TTN: variants seen among roughly 807,000 people sequenced by gnomAD.
The protein encoded by TTN is titin.
A neutral mutation model predicts 3,223.0 loss-of-function variants in TTN; 1,525 were observed. That is an observed-to-expected ratio of 0.47 (90% confidence interval 0.45 to 0.49). TTN has a LOEUF of 0.49. TTN is among the 20% of genes least tolerant of loss of function. The pLI is 0.00. For missense variants in TTN, 40,786 were observed against 43,424.0 expected (o/e 0.94, Z 5.40); for synonymous variants, 14,094 against 15,161.0 (o/e 0.93, Z 5.17).
chr2:178,671,933 G>T lies in TTN; in HGVS notation c.35227+38C>A, dbSNP rs571890886. The T allele has an allele frequency of 7.0e-5, 110 of 1,568,968 alleles. 1 individual carries two copies. The highest frequency in any genetic ancestry group is 6.7e-4 in the South Asian group (55 of 82,340). ...TACTTTCAAAGGAAAGTTAGAGCAA[G>T]ATATAAGAATTTGTAGTATTTGAAG... On this transcript the variant is annotated intron_variant, in intron 155 of 362. Transcript: ENST00000589042.
chr2:178,650,874 GA>G, intron 208 of TTN, 40 bp from the exon 209 acceptor site: 1 of 1,546,088 alleles, frequency 6.5e-7, no homozygotes, highest in East Asian at 2.4e-5. Flanking sequence ...GAGTAGTTGA[GA>G]AGTATATTAA....
In TTN at chr2:178,527,578, T is replaced by C. The variant is rs1401199949; in HGVS notation, c.107548A>G (p.Ser35850Gly). The C allele has an allele frequency of 6.2e-7, 1 of 1,614,036 alleles. No individual in the cohort carries two copies. Among genetic ancestry groups the C allele is most frequent in the Admixed American group, 1.7e-5 (1 of 60,028 alleles). The change falls in exon 362 of 363, where the codon AGC becomes GGC. Residue 35850 changes from serine to glycine, a missense_variant. Coordinates refer to ENST00000589042, the MANE Select transcript of TTN (RefSeq NM_001267550.2). ...GAGGACATGCTTTGGGCAGACATGCTTGCAAATTTCATCTCAGTCATGCTG... is the reference window on the plus strand; with the variant it reads ...GAGGACATGCTTTGGGCAGACATGCCTGCAAATTTCATCTCAGTCATGCTG... The part of the protein sequence containing the change: ...ASSMTEMKFA[S>G]MSAQSMSSMQ...
chr2:178,590,094 T>C lies in TTN; in HGVS notation c.61631A>G (p.His20544Arg), dbSNP rs876658073. Residue 20544 changes from histidine (H) to arginine (R), a missense_variant, in exon 304 of 363, where the codon CAT becomes CGT. His to Arg is a conservative substitution (Grantham distance 29). Coordinates refer to ENST00000589042, the MANE Select transcript of TTN (RefSeq NM_001267550.2). ...CTTAGCTGAGATGATATACTTGCCA[T>C]GATCAGCTCTAACAGCTTCTTTAAT... ...LQIKEAVRAD[H>R]GKYIISAKNS... is the part of the protein sequence containing the mutation. 2.5e-6 allele frequency: 4 copies of C among 1,613,266 alleles called. No homozygotes were observed. The highest frequency in any genetic ancestry group is 3.4e-6 in the Non-Finnish European group (4 of 1,179,488).
intron 209 of TTN, 83 bp from the exon 210 acceptor site, chr2:178,650,354 T>C (rs1476577986): frequency 1.6e-6 from 2 of 1,249,250 alleles, no homozygotes; most frequent in Non-Finnish European, 2.2e-6. Flanking sequence ...TAAATAGTAA[T>C]CTTGATTTCT....
In TTN at chr2:178,714,397, T is replaced by C. The variant is rs776154251; in HGVS notation, c.26377A>G (p.Thr8793Ala). The change falls in exon 91 of 363, where the codon ACC becomes GCC. Residue 8793 changes from threonine (T) to alanine (A), a missense_variant. By Grantham distance (58) the Thr-to-Ala change is moderately conservative. Transcript: ENST00000589042. The part of the protein sequence containing the change: ...IWISYSENIA[T>A]LQFSRVEPAN... ...GGTTCCACTCTTGAAAACTGTAAGG[T>C]TGCAATGTTTTCTGAATAAGAAATC... The C allele has an allele frequency of 1.5e-5, 25 of 1,613,672 alleles. No individual in the cohort carries two copies. The highest frequency in any genetic ancestry group is 5.1e-6 in the Non-Finnish European group (6 of 1,179,754).
Position 178,720,912 on chromosome 2 carries a change from G to T in TTN, c.23098+9C>A. 1 of 1,571,500 alleles carries T rather than the reference G, an allele frequency of 6.4e-7. No homozygotes were observed. The highest frequency in any genetic ancestry group is 8.7e-7 in the Non-Finnish European group (1 of 1,155,242). On this transcript the variant is annotated intron_variant, in intron 79 of 362. Coordinates refer to ENST00000589042, the MANE Select transcript of TTN (RefSeq NM_001267550.2). ...GAATAAAGAAACAAAGAAGCTTAGT[G>T]TGTCTAACCTTTCACTGTCAACGCT...
rs761028441 is a variant in TTN at position 178,689,904 on chromosome 2, T to A, written c.31763-8A>T. 1 of 1,611,316 alleles carries A rather than the reference T, an allele frequency of 6.2e-7. No individual in the cohort carries two copies. Among genetic ancestry groups the A allele is most frequent in the South Asian group, 1.1e-5 (1 of 90,664 alleles). ...TCTTTGGCACCTCTGGGACTTAAAG[T>A]TTTTGAAACACAATGTTAGTTCAGA... On this transcript the variant is annotated splice_region_variant and splice_polypyrimidine_tract_variant and intron_variant, in intron 121 of 362. Transcript: ENST00000589042.
rs2060386431 is a variant in TTN at position 178,635,979 on chromosome 2, A to C, written c.41592T>G (p.Ser13864=). The change falls in exon 226 of 363, where the codon TCT becomes TCG. Residue 13864 remains serine, a synonymous_variant. Coordinates refer to ENST00000589042, the MANE Select transcript of TTN (RefSeq NM_001267550.2). ...VENANNLECS[S]CVKVVEVIRD... ...AGTACTAACCTACTACTTTTACGCA[A>C]GATGAACACTCCAGGTTGTTGGCGT... 2 of 1,600,866 alleles carry C rather than the reference A, an allele frequency of 1.2e-6. No individual in the cohort carries two copies. Among genetic ancestry groups the C allele is most frequent in the East Asian group, 4.5e-5 (2 of 44,560 alleles).
intron 145 of TTN, 78 bp downstream of exon 145, chr2:178,678,046 GC>G: frequency 6.5e-7 from 1 of 1,546,078 alleles, no homozygotes; most frequent in Non-Finnish European, 8.8e-7. Context: ...TAAATACTAA[GC>G]ATTAATTATA....
chr2:178,727,518 T>C (rs1198008867), intron 68 of TTN, 67 bp downstream of exon 68: 16 of 1,517,362 alleles, frequency 1.1e-5, no homozygotes, highest in Admixed American at 9.0e-5. Context: ...TTTAGAGACA[T>C]TGTAACTGAA....
intron 234 of TTN, 57 bp from the exon 235 acceptor site, chr2:178,632,849 T>G: frequency 1.2e-6 from 2 of 1,612,506 alleles, no homozygotes; most frequent in South Asian, 2.2e-5. Context: ...TGACCCTTGA[T>G]CAATGCAGGG....
At position 178,571,596 on chromosome 2, in the gene TTN, C is replaced by T. The variant is rs770230639; in HGVS notation, c.74536G>A (p.Val24846Ile). 5.0e-6 allele frequency: 8 copies of T among 1,613,220 alleles called. No homozygotes were observed. The highest frequency in any genetic ancestry group is 4.4e-5 in the South Asian group (4 of 91,058). The change falls in exon 326 of 363, where the codon GTT becomes ATT. Residue 24846 changes from valine to isoleucine, a missense_variant. Coordinates refer to ENST00000589042, the MANE Select transcript of TTN (RefSeq NM_001267550.2). ...GTTGTGGAAGTGTCCCGTTTCTCAA[C>T]AATGTAATTATTGATAGAACTTCCA... ...DGGSSINNYIVEKRDTSTTTW... is the reference protein window; with the variant it reads ...DGGSSINNYIIEKRDTSTTTW...
chr2:178,536,809 G>T (rs1691743585), intron 356 of TTN, 129 bp downstream of exon 356: 6 of 915,554 alleles, frequency 6.6e-6, no homozygotes, highest in Non-Finnish European at 9.6e-6. Context: ...CAATTAAAGT[G>T]AAAGAAAAGG....
Position 178,620,356 on chromosome 2 carries a change from C to T in TTN, c.46165G>A (p.Ala15389Thr). ...KSVAELLIIE[A>T]PTEFVEHLED... is the part of the protein sequence containing the mutation. ...AAGTGTTCCACAAATTCTGTCGGGG[C>T]TTCTATGATGAGAAGCTCAGCAACA... is the stretch of plus-strand genomic sequence containing the variant. The change falls in exon 248 of 363, where the codon GCC (alanine) becomes ACC (threonine). Residue 15389 changes from alanine to threonine, a missense_variant. Physicochemically the swap from Ala to Thr is moderately conservative, Grantham distance 58 (BLOSUM62 0). Transcript: ENST00000589042. 3 of 1,606,776 alleles carry T rather than the reference C, an allele frequency of 1.9e-6. No homozygotes were observed. The highest frequency in any genetic ancestry group is 2.6e-6 in the Non-Finnish European group (3 of 1,175,724).
Position 178,640,068 on chromosome 2 carries a change from G to C in TTN, c.40766C>G (p.Pro13589Arg). ...CTCACCTGCTTCGGGCTTTGGTTTC[G>C]GTTCAGGTGCAGGGAGAGGTATTGC... ...KPAIPLPAPE[P>R]KPKPEAEVKT... Residue 13589 changes from proline (P) to arginine (R), a missense_variant, in exon 222 of 363, where the codon CCG (proline) becomes CGG (arginine). Coordinates refer to ENST00000589042, the MANE Select transcript of TTN (RefSeq NM_001267550.2). The C allele has an allele frequency of 6.2e-7, 1 of 1,612,092 alleles. No individual in the cohort carries two copies. The highest frequency in any genetic ancestry group is 8.5e-7 in the Non-Finnish European group (1 of 1,178,754).
chr2:178,561,060 T>A lies in TTN; in HGVS notation c.85072A>T (p.Met28358Leu), dbSNP rs368069666. The change falls in exon 326 of 363, where the codon ATG becomes TTG. Residue 28358 changes from methionine (M) to leucine (L), a missense_variant. Transcript: ENST00000589042. ...VKDDVEPPRV[M>L]MDVKFRDVIV... The stretch of plus-strand genomic sequence containing the variant: ...ACGTCTCGGAACTTGACATCCATCA[T>A]AACTCTTGGAGGCTCAACATCATCT... The A allele has an allele frequency of 2.9e-5, 46 of 1,613,772 alleles. No individual in the cohort carries two copies. The highest frequency in any genetic ancestry group is 3.8e-5 in the Non-Finnish European group (45 of 1,179,824).
chr2:178,618,725 A>G lies in TTN; in HGVS notation c.46825T>C (p.Ser15609Pro). ...GCCGTAGTATCAATGGTTTTTGTAG[A>G]TAAAGGTTCATTTTCTTTAAACCAT... ...AEWFKENEPL[S>P]TKTIDTTAEQ... The change falls in exon 251 of 363, where the codon TCT (serine) becomes CCT (proline). Residue 15609 changes from serine to proline, a missense_variant. Ser to Pro is a moderately conservative substitution (Grantham distance 74). Coordinates refer to ENST00000589042, the MANE Select transcript of TTN (RefSeq NM_001267550.2). 6.2e-7 allele frequency: 1 copy of G among 1,611,948 alleles called. No individual in the cohort carries two copies.
rs749525418 is a variant in TTN, at chr2:178,714,293, G to A, written c.26481C>T (p.Leu8827=). 14 of 1,610,710 alleles carry A rather than the reference G, an allele frequency of 8.7e-6. No individual in the cohort carries two copies. The highest frequency in any genetic ancestry group is 4.4e-5 in the South Asian group (4 of 90,914). ...TGATAACATCATCTTTTTACTAACC[G>A]AGAACGGATAGCGTGGCGAAGCACT... is the stretch of plus-strand genomic sequence containing the variant. ...MQECFATLSV[L]EPATIVEKPE... Residue 8827 remains leucine, a splice_region_variant and synonymous_variant, in exon 91 of 363, where the codon CTC becomes CTT. Coordinates refer to ENST00000589042, the MANE Select transcript of TTN (RefSeq NM_001267550.2).
At position 178,607,157 on chromosome 2, in the gene TTN, T is replaced by C. The variant is rs370843257; in HGVS notation, c.53445A>G (p.Ile17815Met). 6 of 1,612,938 alleles carry C rather than the reference T, an allele frequency of 3.7e-6. No homozygotes were observed. The highest frequency in any genetic ancestry group is 1.7e-5 in the Admixed American group (1 of 59,954). Residue 17815 changes from isoleucine (I) to methionine (M), a missense_variant, in exon 278 of 363, where the codon ATA (isoleucine) becomes ATG (methionine). By Grantham distance (10) the Ile-to-Met change is conservative. Coordinates refer to ENST00000589042, the MANE Select transcript of TTN (RefSeq NM_001267550.2). ...DAKMHTWRQP[I>M]ETERSKCDIT... ...TGTCACATTTAGATCTCTCAGTCTCTATTGGTTGTCTCCAAGTATGCATCT... is the reference window on the plus strand; with the variant it reads ...TGTCACATTTAGATCTCTCAGTCTCCATTGGTTGTCTCCAAGTATGCATCT...
Sources: gnomAD v4.1 joint callset for allele counts on GRCh38, gnomAD v4.1.1 for gene constraint, MANE v1.5 for transcripts, NCBI Gene and HGNC (gene_info 2026-07-23, HGNC 2026-07-21) for gene names.